Variants in STX11 observed in about 807,000 individuals in gnomAD.
STX11 encodes the protein syntaxin-11.
STX11 carries 21 observed loss-of-function variants against 19.9 expected under a neutral mutation model. The observed-to-expected ratio is 1.06, with a 90% CI of 0.75 to 1.52. The LOEUF (loss-of-function observed/expected upper bound fraction) is 1.52, where lower values mean the gene tolerates loss of function less well. Ranked by LOEUF, STX11 falls within the 40% of genes most tolerant of loss-of-function variation. The pLI is 0.00. For synonymous variants in STX11, 193 were observed against 174.4 expected, an observed-to-expected ratio of 1.11 and a Z score of -0.84; for missense variants, 438 against 405.9, an observed-to-expected ratio of 1.08 and a Z score of -0.68.
chr6:144,150,271 T>A (rs1305250840), upstream of STX11, among the ~76,000 whole-genome samples: 2 of 152,206 alleles, frequency 1.3e-5, no homozygotes, highest in Non-Finnish European at 2.9e-5. Flanking sequence ...GGAAGTGTCT[T>A]GGGCGGCAAA....
Position 144,183,937 on chromosome 6 carries a change from G to A in STX11, c.-5-2686G>A, listed in dbSNP as rs1801968488. ...GCATTATTCCCCTCCCTGTGTCCAGGTGTTCTCATTGTTCACCTCCCACTT... is the reference window on the plus strand; with the variant it reads ...GCATTATTCCCCTCCCTGTGTCCAGATGTTCTCATTGTTCACCTCCCACTT... On this transcript the variant is annotated intron_variant, in intron 1 of 1. Coordinates refer to ENST00000367568, the MANE Select transcript of STX11 (RefSeq NM_003764.4). This position sits in a 1 kb window ranked among gnomAD's most constrained non-coding sequence, Gnocchi z 4.6. Among the ~76,000 whole-genome samples, 1 of 152,058 alleles carries A rather than the reference G, an allele frequency of 6.6e-6. No individual in the cohort carries two copies. Among genetic ancestry groups the A allele is most frequent in the Non-Finnish European group, 1.5e-5 (1 of 68,030 alleles).
chr6:144,172,350 C>T lies in STX11; in HGVS notation c.-5-14273C>T, dbSNP rs1054517838. 2.6e-5 allele frequency among the ~76,000 whole-genome samples: 4 copies of T among 152,142 alleles called. No individual in the cohort carries two copies. The highest frequency in any genetic ancestry group is 2.1e-4 in the South Asian group (1 of 4,818). On this transcript the variant is annotated intron_variant, in intron 1 of 1. Coordinates refer to ENST00000367568, the MANE Select transcript of STX11 (RefSeq NM_003764.4). The surrounding 1 kb of genome is among the most constrained non-coding windows in gnomAD (Gnocchi z 4.2). ...CTGGGGGCTGGCCTAGCTCTCCGTG[C>T]GGTCTTCACCCTCCAGGAGGCTAGT...
In STX11 at chr6:144,162,229, C is replaced by T. The variant is rs188203914; in HGVS notation, c.-6+11526C>T. Among the ~76,000 whole-genome samples the T allele has an allele frequency of 1.9e-3, 292 of 152,300 alleles. No individual in the cohort carries two copies. The highest frequency in any genetic ancestry group is 6.9e-3 in the African/African-American group (285 of 41,570). On this transcript the variant is annotated intron_variant, in intron 1 of 1. Coordinates refer to ENST00000367568, the MANE Select transcript of STX11 (RefSeq NM_003764.4). The surrounding 1 kb of genome is among the most constrained non-coding windows in gnomAD (Gnocchi z 4.6). The stretch of plus-strand genomic sequence containing the variant: ...CATCACGCCCTTTCCCGTAGATACT[C>T]GGCCTTTTATTATGAGTTCTGAGTC...
In STX11 at chr6:144,174,334, G is replaced by A. The variant is rs1801720180; in HGVS notation, c.-5-12289G>A. Among the ~76,000 whole-genome samples, 2 of 152,138 alleles carry A rather than the reference G, an allele frequency of 1.3e-5. No homozygotes were observed. Among genetic ancestry groups the A allele is most frequent in the Admixed American group, 1.3e-4 (2 of 15,270 alleles). ...AAATAGTCTGTACCTCTTGATCAGA[G>A]AAGCTGCAAAGAATTTGTAGTAAGA... On this transcript the variant is annotated intron_variant, in intron 1 of 1. Coordinates refer to ENST00000367568, the MANE Select transcript of STX11 (RefSeq NM_003764.4). This position sits in a 1 kb window ranked among gnomAD's most constrained non-coding sequence, Gnocchi z 5.3.
upstream of STX11, among the ~76,000 whole-genome samples, chr6:144,147,920 T>C (rs1350013716): frequency 6.6e-6 from 1 of 152,028 alleles, no homozygotes; most frequent in African/African-American, 2.4e-5. This position sits in a 1 kb window ranked among gnomAD's most constrained non-coding sequence, Gnocchi z 4.2. Flanking sequence ...AAATTAAAAA[T>C]GTCATCAGCA....
At chr6:144,146,181 T>C (rs1292587201), upstream of STX11, among the ~76,000 whole-genome samples, 1 of 152,186 alleles carries the variant, frequency 6.6e-6, no homozygotes, top group East Asian at 1.9e-4. The surrounding 1 kb of genome is among the most constrained non-coding windows in gnomAD (Gnocchi z 4.4). Flanking sequence ...TTTAGAGCTC[T>C]GTAAATTAGG....
chr6:144,184,422 G>A lies in STX11; in HGVS notation c.-5-2201G>A, dbSNP rs1801979400. On this transcript the variant is annotated intron_variant, in intron 1 of 1. Coordinates refer to ENST00000367568, the MANE Select transcript of STX11 (RefSeq NM_003764.4). The surrounding 1 kb of genome is among the most constrained non-coding windows in gnomAD (Gnocchi z 6.5). ...TGGCATGAGATGGAATTACCAGTATGTTTTGAGAGTTCCCAGAATCCTTAC... is the reference window on the plus strand; with the variant it reads ...TGGCATGAGATGGAATTACCAGTATATTTTGAGAGTTCCCAGAATCCTTAC... 6.6e-6 allele frequency among the ~76,000 whole-genome samples: 1 copy of A among 152,176 alleles called. No homozygotes were observed. Among genetic ancestry groups the A allele is most frequent in the Non-Finnish European group, 1.5e-5 (1 of 68,040 alleles).
At chr6:144,141,426 T>C in the STX11 span, among the ~76,000 whole-genome samples, 1 of 152,330 alleles carries the variant, frequency 6.6e-6, no homozygotes, top group East Asian at 1.9e-4. Flanking sequence ...AATACCAAAA[T>C]AATACGATTT....
At chr6:144,164,545 T>C in intron 1 of STX11, among the ~76,000 whole-genome samples, 1 of 152,206 alleles carries the variant, frequency 6.6e-6, no homozygotes, top group East Asian at 1.9e-4. Flanking sequence ...ATGATAAACA[T>C]TACCAGTATC....
rs1484437323 is a variant in STX11, at chr6:144,176,374, C to T, written c.-5-10249C>T. 2.0e-5 allele frequency among the ~76,000 whole-genome samples: 3 copies of T among 152,062 alleles called. No homozygotes were observed. The highest frequency in any genetic ancestry group is 1.5e-5 in the Non-Finnish European group (1 of 68,016). ...CTCCGAGACCCAGTTATTAGTAAAT[C>T]GAAAATGATGTTACCCTCCTCCCAA... On this transcript the variant is annotated intron_variant, in intron 1 of 1. Transcript: ENST00000367568. The surrounding 1 kb of genome is among the most constrained non-coding windows in gnomAD (Gnocchi z 4.1).
rs577531006 is a variant in STX11, at chr6:144,150,690, C to G, written c.-19C>G. The stretch of plus-strand genomic sequence containing the variant: ...AGAGGGGCTTCTCGGTTCGCACTCT[C>G]GCTCCCAGTCCAGGTTTGTTTTTCT... On this transcript the variant is annotated 5_prime_UTR_variant, in exon 1 of 2. Transcript: ENST00000367568. The G allele has an allele frequency of 7.1e-6, 7 of 985,208 alleles. No individual in the cohort carries two copies. In the East Asian group the frequency reaches 8.0e-4, roughly 113 times the overall value. The allele number at this position is 985,208 out of a possible 1,614,324, so 61.0% of individuals were successfully genotyped here.
At position 144,151,398 on chromosome 6, in the gene STX11, A is replaced by G. The variant is rs1345361578; in HGVS notation, c.-6+695A>G. On this transcript the variant is annotated intron_variant, in intron 1 of 1. Coordinates refer to ENST00000367568, the MANE Select transcript of STX11 (RefSeq NM_003764.4). The surrounding 1 kb of genome is among the most constrained non-coding windows in gnomAD (Gnocchi z 4.6). ...TTTCTCAGCAGAGGGAGGAGCTGTT[A>G]TTTACAGGTATCCAAAAATGAGTCA... is the stretch of plus-strand genomic sequence containing the variant. 1 of 985,290 alleles carries G rather than the reference A, an allele frequency of 1.0e-6. No individual in the cohort carries two copies. The highest frequency in any genetic ancestry group is 1.7e-5 in the African/African-American group (1 of 57,218). The allele number at this position is 985,290 out of a possible 1,614,324, so 61.0% of individuals were successfully genotyped here.
In STX11 at chr6:144,172,299, G is replaced by C. The variant is rs1801660946; in HGVS notation, c.-5-14324G>C. Among the ~76,000 whole-genome samples the C allele has an allele frequency of 6.6e-6, 1 of 152,210 alleles. No homozygotes were observed. Among genetic ancestry groups the C allele is most frequent in the South Asian group, 2.1e-4 (1 of 4,834 alleles). On this transcript the variant is annotated intron_variant, in intron 1 of 1. Transcript: ENST00000367568. The surrounding 1 kb of genome is among the most constrained non-coding windows in gnomAD (Gnocchi z 4.2). ...CTTCTACGGATCTCACCTGGACTCA[G>C]TCATGCAGCTGTAGAGGTGGGTCAG...
At chr6:144,140,548 C>A in the STX11 span, among the ~76,000 whole-genome samples, 1 of 151,988 alleles carries the variant, frequency 6.6e-6, no homozygotes, top group South Asian at 2.1e-4. Flanking sequence ...AACCATCATG[C>A]CTGGCCCAAT....
Position 144,189,726 on chromosome 6 carries a change from A to T in STX11, c.*2235A>T, listed in dbSNP as rs2128758579. Among the ~76,000 whole-genome samples the T allele has an allele frequency of 1.3e-5, 2 of 152,294 alleles. No homozygotes were observed. Among genetic ancestry groups the T allele is most frequent in the Admixed American group, 1.3e-4 (2 of 15,298 alleles). On this transcript the variant is annotated 3_prime_UTR_variant, in exon 2 of 2. Transcript: ENST00000367568. ...AAATCTATCCCCTGTATCTAATTTT[A>T]ATTTCATGGTTAAATTTGAGAATTG...
In STX11 at chr6:144,155,943, T is replaced by TATCC. The variant is rs200112349; in HGVS notation, c.-6+5240_-6+5241insATCC. On this transcript the variant is annotated intron_variant, in intron 1 of 1. Coordinates refer to ENST00000367568, the MANE Select transcript of STX11 (RefSeq NM_003764.4). This position sits in a 1 kb window ranked among gnomAD's most constrained non-coding sequence, Gnocchi z 4.5. ...ATTAAATGTGTTTTAAAATTTAATC[T>TATCC]TTCTTTCTTTCTTTCTTTCTTTCTT... is the stretch of plus-strand genomic sequence containing the variant. Among the ~76,000 whole-genome samples, 14 of 7,052 alleles carry TATCC rather than the reference T, an allele frequency of 2.0e-3. No individual in the cohort carries two copies. Among genetic ancestry groups the TATCC allele is most frequent in the African/African-American group, 3.3e-3 (14 of 4,190 alleles). 4.6% of individuals were successfully genotyped at this position (7,052 alleles called of 152,430 possible).
chr6:144,166,039 G>C (rs897271440), intron 1 of STX11, among the ~76,000 whole-genome samples: 4 of 152,212 alleles, frequency 2.6e-5, no homozygotes, highest in Non-Finnish European at 4.4e-5. Flanking sequence ...AGCCGTAGGA[G>C]TATCTACCCT....
chr6:144,150,821 G>A, intron 1 of STX11, 118 bp downstream of exon 1: 2 of 795,988 alleles, frequency 2.5e-6, no homozygotes, highest in Non-Finnish European at 3.0e-6. Context: ...ACCCGCGGCT[G>A]TGCCTTAGGT....
chr6:144,171,705 C>CT (rs200603148), intron 1 of STX11, among the ~76,000 whole-genome samples: 3 of 124,298 alleles, frequency 2.4e-5, no homozygotes, highest in South Asian at 4.7e-4. Context: ...GTGAGATAAT[C>CT]TTTTTTTTAG....
Sources: gnomAD v4.1 joint callset for allele counts (sites outside exome capture counted in the v4.1 genomes callset) on GRCh38, gnomAD v4.1.1 for gene constraint, Gnocchi (gnomAD v3.1) non-coding constraint, MANE v1.5 for transcripts, NCBI Gene and HGNC (gene_info 2026-07-23, HGNC 2026-07-21) for gene names.